The following SEMA3G variants were observed in gnomAD, a reference collection of about 807,000 sequenced individuals.
SEMA3G encodes the protein semaphorin-3G.
Under a neutral mutation model 86.2 loss-of-function variants are expected in SEMA3G, and 70 were observed. The observed-to-expected ratio is 0.81, with a 90% CI of 0.67 to 0.99. The LOEUF (loss-of-function observed/expected upper bound fraction) is 0.99, where lower values mean the gene tolerates loss of function less well. Ranked by LOEUF, SEMA3G falls within the 50% of genes least tolerant of loss-of-function variation. The pLI is 0.00. For missense variants in SEMA3G, 1,002 were observed against 1,072.4 expected (o/e 0.93, Z 0.92); for synonymous variants, 416 against 441.4 (o/e 0.94, Z 0.72).
chr3:52,441,747 G>C (rs1295505979), intron 5 of SEMA3G, 57 bp from the exon 6 acceptor site: 2 of 1,588,422 alleles, frequency 1.3e-6, no homozygotes, highest in African/African-American at 2.7e-5. Context: ...CAGCAGCCGG[G>C]TCCCTCCCTT....
chr3:52,440,861 G>A (rs139221612), intron 8 of SEMA3G, 38 bp from the exon 9 acceptor site: 48 of 1,602,578 alleles, frequency 3.0e-5, no homozygotes, highest in Admixed American at 5.0e-5. Flanking sequence ...CATGGCCACC[G>A]CCAATGCCCT....
rs111301698 is a variant in SEMA3G at position 52,440,464 on chromosome 3, A to G, written c.1056T>C (p.Val352=). ...CVYHMADIWE[V]FNGPFAHRDG... ...CTCGGTGGGCAAAGGGCCCGTTGAAAACCTCCCAGATGTCTGCCATGTGGT... is the reference window on the plus strand; with the variant it reads ...CTCGGTGGGCAAAGGGCCCGTTGAAGACCTCCCAGATGTCTGCCATGTGGT... The change falls in exon 10 of 16, where the codon GTT becomes GTC. Residue 352 remains valine (V), a synonymous_variant. Coordinates refer to ENST00000231721, the MANE Select transcript of SEMA3G (RefSeq NM_020163.3). 5.8e-3 allele frequency: 9,398 copies of G among 1,611,398 alleles called. 73 individuals are homozygous for G. The highest frequency in any genetic ancestry group is 0.024 in the South Asian group (2,135 of 90,590).
At chr3:52,436,521 C>T (rs766012734) in intron 15 of SEMA3G, among the ~76,000 whole-genome samples, 6 of 152,364 alleles carry the variant, frequency 3.9e-5, no homozygotes, top group South Asian at 4.1e-4. Context: ...ATACAATGTG[C>T]GTGTGCCCAC....
In SEMA3G at chr3:52,433,083, C is replaced by G. The variant is rs1705983265; in HGVS notation, c.*2520G>C. ...GGATGTTCCTCATTTAATGAGCAAT[C>G]TCGGCTTTGTACAAAGCCCTCTAAC... On this transcript the variant is annotated 3_prime_UTR_variant, in exon 16 of 16. Coordinates refer to ENST00000231721, the MANE Select transcript of SEMA3G (RefSeq NM_020163.3). 6.6e-6 allele frequency: 1 copy of G among 152,008 alleles called. No homozygotes were observed. The highest frequency in any genetic ancestry group is 1.5e-5 in the Non-Finnish European group (1 of 68,010). 9.4% of individuals were successfully genotyped at this position (152,008 alleles called of 1,614,324 possible).
At chr3:52,439,606 T>C in intron 12 of SEMA3G, 74 bp downstream of exon 12, 1 of 1,267,796 alleles carries the variant, frequency 7.9e-7, no homozygotes, top group Non-Finnish European at 1.2e-6. Flanking sequence ...CTGGGCTTGC[T>C]CCTGCATCCC....
In SEMA3G at chr3:52,438,705, C is replaced by T. The variant is rs563996759; in HGVS notation, c.1509+215G>A. ...ACTTTTGCCTCCCTTAGGAACTGGC[C>T]TTTGTGACTATCCCCTTATCTGGAC... On this transcript the variant is annotated intron_variant, in intron 13 of 15. Transcript: ENST00000231721. 4 of 985,458 alleles carry T rather than the reference C, an allele frequency of 4.1e-6. No individual in the cohort carries two copies. In the African/African-American group the frequency reaches 5.2e-5, roughly 13 times the overall value. 61.0% of individuals were successfully genotyped at this position (985,458 alleles called of 1,614,324 possible). A position where few individuals can be genotyped will look rare whatever the true frequency, so the allele number is the denominator to read the frequency against.
In SEMA3G at chr3:52,436,002, C is replaced by T. The variant is rs558407652; in HGVS notation, c.1950G>A (p.Ala650=). The part of the protein sequence containing the change: ...LLFRRLSRFD[A]GTYTCTTLEH... ...CCAGAGTGGTGCAGGTGTAGGTGCC[C>T]GCATCGAAACGGCTAAGCCTGCGGA... Residue 650 remains alanine, a synonymous_variant, in exon 16 of 16, where the codon GCG becomes GCA. Transcript: ENST00000231721. 87 of 1,613,776 alleles carry T rather than the reference C, an allele frequency of 5.4e-5. No homozygotes were observed. The Middle Eastern group carries it at 9.9e-4, about 18-fold the overall frequency.
chr3:52,436,109 AGGT>A, intron 15 of SEMA3G, 36 bp from the exon 16 acceptor site: 1 of 1,563,724 alleles, frequency 6.4e-7, no homozygotes, highest in Non-Finnish European at 8.7e-7. Flanking sequence ...GTAGGGTGCA[AGGT>A]GGGAGTTTAC....
intron 14 of SEMA3G, 115 bp from the exon 15 acceptor site, chr3:52,437,781 G>T: frequency 7.8e-7 from 1 of 1,288,050 alleles, no homozygotes; most frequent in Non-Finnish European, 1.1e-6. Context: ...TTAGGCATGC[G>T]TGGATCCCCA....
rs1263636793 is a variant in SEMA3G, at chr3:52,440,749, C to T, written c.998+5G>A. On this transcript the variant is annotated splice_donor_5th_base_variant and intron_variant, in intron 9 of 15. Transcript: ENST00000231721. ...TCGCAAGGCCGGGGTGCTGGGTGTG[C>T]CCACCTGACGGTGCTGAACAGCGCG... is the stretch of plus-strand genomic sequence containing the variant. The T allele has an allele frequency of 6.2e-7, 1 of 1,610,400 alleles. No homozygotes were observed. Among genetic ancestry groups the T allele is most frequent in the Non-Finnish European group, 8.5e-7 (1 of 1,178,242 alleles).
rs1179809855 is a variant in SEMA3G, at chr3:52,445,017, G to A, written c.11C>T (p.Ser4Leu). MAP[S>L]AWAICWLLGG... ...TAGCAGCCAGCAAATGGCCCAGGCC[G>A]AGGGGGCCATGCTGGGGAACTGAGG... Residue 4 changes from serine (S) to leucine (L), a missense_variant, in exon 1 of 16, where the codon TCG becomes TTG. By Grantham distance (145) the Ser-to-Leu change is moderately radical (BLOSUM62 -2). Transcript: ENST00000231721. 18 of 1,282,006 alleles carry A rather than the reference G, an allele frequency of 1.4e-5. No homozygotes were observed. The South Asian group carries it at 1.7e-4, about 12-fold the overall frequency. The allele number at this position is 1,282,006 out of a possible 1,614,324, so 79.4% of individuals were successfully genotyped here. A position where few individuals can be genotyped will look rare whatever the true frequency, so the allele number is the denominator to read the frequency against.
Position 52,442,044 on chromosome 3 carries a change from A to C in SEMA3G, c.460-135T>G. On this transcript the variant is annotated intron_variant, in intron 4 of 15. Transcript: ENST00000231721. The surrounding 1 kb of genome is among the most constrained non-coding windows in gnomAD (Gnocchi z 6.1). ...AGGCGTCCTCATCCAGGGCCCCTCT[A>C]ATGGGGTCAGCTCCCCAACACAAAG... 1 of 1,344,450 alleles carries C rather than the reference A, an allele frequency of 7.4e-7. No individual in the cohort carries two copies. The highest frequency in any genetic ancestry group is 1.0e-6 in the Non-Finnish European group (1 of 986,058). The allele number at this position is 1,344,450 out of a possible 1,614,324, so 83.3% of individuals were successfully genotyped here.
chr3:52,440,422 C>T lies in SEMA3G; in HGVS notation c.1098G>A (p.Gln366=), dbSNP rs1162538910. The T allele has an allele frequency of 6.2e-7, 1 of 1,610,996 alleles. No individual in the cohort carries two copies. The change falls in exon 10 of 16, where the codon CAG becomes CAA. Residue 366 remains glutamine, a synonymous_variant. Transcript: ENST00000231721. ...PFAHRDGPQH[Q]WGPYGGKVPF... Reference sequence around the variant, plus strand: ...GCACCTTGCCCCCATAGGGCCCCCACTGGTGCTGAGGCCCATCTCGGTGGG... The same window carrying T: ...GCACCTTGCCCCCATAGGGCCCCCATTGGTGCTGAGGCCCATCTCGGTGGG...
rs1398353108 is a variant in SEMA3G, at chr3:52,442,339, GA to G, written c.340-36del. The G allele has an allele frequency of 1.4e-5, 22 of 1,588,868 alleles. No homozygotes were observed. Among genetic ancestry groups the G allele is most frequent in the Middle Eastern group, 1.8e-4 (1 of 5,646 alleles). On this transcript the variant is annotated intron_variant, in intron 3 of 15. Coordinates refer to ENST00000231721, the MANE Select transcript of SEMA3G (RefSeq NM_020163.3). This position sits in a 1 kb window ranked among gnomAD's most constrained non-coding sequence, Gnocchi z 6.1. ...GAAGGAGGGGGTGGTTGAGGGGTGA[GA>G]GGGGGTGCCCACCATCTCCTTGGGG...
rs1706181674 is a variant in SEMA3G, at chr3:52,442,669, C to T, written c.277-48G>A. ...TCAGGTCCTCCCCTGATCTCACAGG[C>T]TCAGTTTCCCCATCTGGCCTCCCAT... is the stretch of plus-strand genomic sequence containing the variant. On this transcript the variant is annotated intron_variant, in intron 2 of 15. Coordinates refer to ENST00000231721, the MANE Select transcript of SEMA3G (RefSeq NM_020163.3). The surrounding 1 kb of genome is among the most constrained non-coding windows in gnomAD (Gnocchi z 6.1). The T allele has an allele frequency of 1.9e-6, 3 of 1,613,938 alleles. No homozygotes were observed. Among genetic ancestry groups the T allele is most frequent in the Non-Finnish European group, 2.5e-6 (3 of 1,179,878 alleles).
chr3:52,435,874 G>C lies in SEMA3G; in HGVS notation c.2078C>G (p.Pro693Arg). The C allele has an allele frequency of 6.8e-6, 11 of 1,614,106 alleles. No homozygotes were observed. The highest frequency in any genetic ancestry group is 9.3e-6 in the Non-Finnish European group (11 of 1,180,036). Reference sequence around the variant, plus strand: ...GGTGGAAGCCAGGCCTCCCCGGGCTGGGGGCTCCTCTGGCTTTGGCTCCGG... The same window carrying C: ...GGTGGAAGCCAGGCCTCCCCGGGCTCGGGGCTCCTCTGGCTTTGGCTCCGG... ...FPPEPKPEEPPARGGLASTPP... is the reference protein window; with the variant it reads ...FPPEPKPEEPRARGGLASTPP... The change falls in exon 16 of 16, where the codon CCA (proline) becomes CGA (arginine). Residue 693 changes from proline (P) to arginine (R), a missense_variant. Pro to Arg is a moderately radical substitution (Grantham distance 103, BLOSUM62 -2). Coordinates refer to ENST00000231721, the MANE Select transcript of SEMA3G (RefSeq NM_020163.3).
At position 52,441,674 on chromosome 3, in the gene SEMA3G, C is replaced by G. The variant is rs764426224; in HGVS notation, c.567G>C (p.Thr189=). ...ASTFIDGELY[T]GLTADFLGRE... is the part of the protein sequence containing the mutation. ...GCCCCAGGAAGTCAGCAGTGAGACC[C>G]GTGTACAGCTCCCCGTCTGGGGTGG... Residue 189 remains threonine (T), a synonymous_variant, in exon 6 of 16, where the codon ACG becomes ACC. Transcript: ENST00000231721. 6.2e-7 allele frequency: 1 copy of G among 1,613,558 alleles called. No individual in the cohort carries two copies. Among genetic ancestry groups the G allele is most frequent in the Non-Finnish European group, 8.5e-7 (1 of 1,179,862 alleles).
chr3:52,442,724 T>C lies in SEMA3G; in HGVS notation c.276+23A>G, dbSNP rs748678789. 2.5e-6 allele frequency: 4 copies of C among 1,613,408 alleles called. No homozygotes were observed. In the African/African-American group the frequency reaches 5.3e-5, roughly 22 times the overall value. Reference sequence around the variant, plus strand: ...AGGTGCCCAGTTCTCAAACAGACCCTCTTCCCTGCCAGTCCAGCTCACCTC... The same window carrying C: ...AGGTGCCCAGTTCTCAAACAGACCCCCTTCCCTGCCAGTCCAGCTCACCTC... On this transcript the variant is annotated intron_variant, in intron 2 of 15. Coordinates refer to ENST00000231721, the MANE Select transcript of SEMA3G (RefSeq NM_020163.3). This position sits in a 1 kb window ranked among gnomAD's most constrained non-coding sequence, Gnocchi z 6.1.
Position 52,435,215 on chromosome 3 carries a change from C to G in SEMA3G, c.*388G>C, listed in dbSNP as rs1706023848. The G allele has an allele frequency of 4.1e-6, 1 of 243,282 alleles. No homozygotes were observed. 15.1% of individuals were successfully genotyped at this position (243,282 alleles called of 1,614,324 possible). A position where few individuals can be genotyped will look rare whatever the true frequency, so the allele number is the denominator to read the frequency against. ...CTACCGGGATACCCCCTAGACGCAC[C>G]CACACACCCACTCTGAGGGTCACTC... On this transcript the variant is annotated 3_prime_UTR_variant, in exon 16 of 16. Transcript: ENST00000231721.
Sources: allele counts gnomAD v4.1 joint callset (sites outside exome capture counted in the v4.1 genomes callset), GRCh38; gene constraint gnomAD v4.1.1; non-coding constraint Gnocchi (gnomAD v3.1); transcripts MANE v1.5; gene names NCBI Gene and HGNC (gene_info 2026-07-23, HGNC 2026-07-21).